ZNF19: variants seen among roughly 807,000 people sequenced by gnomAD.
ZNF19 encodes the protein zinc finger protein 19.
ZNF19 carries 11 observed loss-of-function variants against 13.1 expected under a neutral mutation model. The observed-to-expected ratio is 0.84, with a 90% CI of 0.53 to 1.39. ZNF19 has a LOEUF of 1.39. ZNF19 is among the 40% of genes most tolerant of loss of function. ZNF19 has a pLI of 0.00. For missense variants in ZNF19, 560 were observed against 547.0 expected, an observed-to-expected ratio of 1.02 and a Z score of -0.24; for synonymous variants, 186 against 187.0, an observed-to-expected ratio of 0.99 and a Z score of 0.04.
Position 71,478,228 on chromosome 16 carries a change from C to T in ZNF19, c.274G>A (p.Asp92Asn). ...PAERTKNVCK[D>N]VETNIDSEST... ...TTGGTTCTAAATCTGCCTCACCTAC[C>T]TTTACAGACGTTTTTGGTCCTCTCT... The change falls in exon 5 of 6, where the codon GAT becomes AAT. Residue 92 changes from aspartate to asparagine, a missense_variant and splice_region_variant. Asp to Asn is a conservative substitution (Grantham distance 23, BLOSUM62 1). Transcript: ENST00000288177. The T allele has an allele frequency of 3.1e-6, 5 of 1,612,266 alleles. No individual in the cohort carries two copies. The highest frequency in any genetic ancestry group is 4.2e-6 in the Non-Finnish European group (5 of 1,178,612).
At position 71,486,512 on chromosome 16, in the gene ZNF19, G is replaced by C. The variant is rs558226956; in HGVS notation, c.-189-1764C>G. On this transcript the variant is annotated intron_variant, in intron 1 of 5. Coordinates refer to ENST00000288177, the MANE Select transcript of ZNF19 (RefSeq NM_006961.4). ...CTCACTGGCTTTGAAGATGGAGGAA[G>C]GGGCCAAGGGTCAAGGAAAGTGGGT... 9.2e-5 allele frequency among the ~76,000 whole-genome samples: 14 copies of C among 152,324 alleles called. No individual in the cohort carries two copies. The East Asian group carries it at 2.7e-3, about 29-fold the overall frequency.
chr16:71,480,065 T>C (rs990377456), intron 3 of ZNF19, among the ~76,000 whole-genome samples: 1 of 152,060 alleles, frequency 6.6e-6, no homozygotes, highest in Non-Finnish European at 1.5e-5. Context: ...AGTGCTGGGA[T>C]TACGGGAATG....
rs77495348 is a variant in ZNF19 at position 71,476,142 on chromosome 16, C to CAA, written c.404_405insTT (p.Glu136TrpfsTer10). ...CTGTGGGGATGTCCTGGTGCTTTTCCACATTACGTGTTTCTGGGAAGTCAG... is the reference window on the plus strand; with the variant it reads ...CTGTGGGGATGTCCTGGTGCTTTTCCAAACATTACGTGTTTCTGGGAAGTCAG... On this transcript the variant is annotated frameshift_variant, in exon 6 of 6. Coordinates refer to ENST00000288177, the MANE Select transcript of ZNF19 (RefSeq NM_006961.4). LOFTEE classifies it low-confidence loss of function (END_TRUNC). 28 of 1,613,932 alleles carry CAA rather than the reference C, an allele frequency of 1.7e-5. No individual in the cohort carries two copies. The East Asian group carries it at 5.8e-4, about 33-fold the overall frequency.
At position 71,476,276 on chromosome 16, in the gene ZNF19, A is replaced by G. The variant is rs1376139604; in HGVS notation, c.275-4T>C. On this transcript the variant is annotated splice_polypyrimidine_tract_variant and splice_region_variant and intron_variant, in intron 5 of 5. Transcript: ENST00000288177. Reference sequence around the variant, plus strand: ...CTGTCAATGTTGGTCTCAACATCTGACATAAGAGATAGAAAACACAAATAA... The same window carrying G: ...CTGTCAATGTTGGTCTCAACATCTGGCATAAGAGATAGAAAACACAAATAA... 1.3e-6 allele frequency: 2 copies of G among 1,599,794 alleles called. No individual in the cohort carries two copies. Among genetic ancestry groups the G allele is most frequent in the African/African-American group, 2.7e-5 (2 of 74,318 alleles).
intron 3 of ZNF19, among the ~76,000 whole-genome samples, chr16:71,480,036 G>A (rs990402069): frequency 9.2e-5 from 14 of 151,996 alleles, no homozygotes; most frequent in Admixed American, 3.9e-4. Context: ...CAAGAGATCC[G>A]TCTGCCTCGG....
At chr16:71,478,809 C>G (rs199985381) in intron 4 of ZNF19, 70 bp downstream of exon 4, 61 of 1,576,296 alleles carry the variant, frequency 3.9e-5, no homozygotes, top group Middle Eastern at 1.7e-4. Flanking sequence ...CACTCCTCCC[C>G]CCAGGCTGTA....
Position 71,475,945 on chromosome 16 carries a change from T to C in ZNF19, c.602A>G (p.Asn201Ser), listed in dbSNP as rs1411536353. Residue 201 changes from asparagine (N) to serine (S), a missense_variant, in exon 6 of 6, where the codon AAT becomes AGT. By Grantham distance (46) the Asn-to-Ser change is conservative. Coordinates refer to ENST00000288177, the MANE Select transcript of ZNF19 (RefSeq NM_006961.4). ...CCTCTGGTGCCGAATTAACGAAGAA[T>C]TACCATTAAAGGCTTTTCCACACTC... ...CSECGKAFNG[N>S]SSLIRHQRIH... 1.9e-6 allele frequency: 3 copies of C among 1,613,788 alleles called. No individual in the cohort carries two copies. The African/African-American group carries it at 4.0e-5, about 22-fold the overall frequency.
intron 5 of ZNF19, among the ~76,000 whole-genome samples, chr16:71,477,468 G>C (rs1464848611): frequency 6.6e-6 from 1 of 151,934 alleles, no homozygotes; most frequent in African/African-American, 2.4e-5. Flanking sequence ...CAATTTCACT[G>C]TTTGCTCTTG....
intron 1 of ZNF19, chr16:71,487,060 A>G (rs2043683537): frequency 6.6e-6 from 1 of 152,184 alleles, no homozygotes; most frequent in Non-Finnish European, 1.5e-5. Flanking sequence ...CATTAATAAT[A>G]ATAGCTAATT....
In ZNF19 at chr16:71,475,598, T is replaced by C; in HGVS notation, c.949A>G (p.Ser317Gly). The change falls in exon 6 of 6, where the codon AGC becomes GGC. Residue 317 changes from serine (S) to glycine (G), a missense_variant. Coordinates refer to ENST00000288177, the MANE Select transcript of ZNF19 (RefSeq NM_006961.4). ...GKSFGRTSHL[S>G]QHQRIHTGEK... is the part of the protein sequence containing the mutation. ...CCTGTGTGAATACGCTGATGTTGGCTTAGATGGGAAGTCCTTCCAAAGCTT... is the reference window on the plus strand; with the variant it reads ...CCTGTGTGAATACGCTGATGTTGGCCTAGATGGGAAGTCCTTCCAAAGCTT... The C allele has an allele frequency of 2.5e-6, 4 of 1,614,014 alleles. No individual in the cohort carries two copies. The highest frequency in any genetic ancestry group is 3.4e-6 in the Non-Finnish European group (4 of 1,180,004).
chr16:71,480,845 G>T (rs1408018734), intron 3 of ZNF19, among the ~76,000 whole-genome samples: 1 of 152,208 alleles, frequency 6.6e-6, no homozygotes, highest in African/African-American at 2.4e-5. Context: ...CCATACTTCA[G>T]TGAGCCCTCC....
Position 71,478,890 on chromosome 16 carries a change from A to G in ZNF19, c.149T>C (p.Leu50Pro). The G allele has an allele frequency of 6.2e-7, 1 of 1,614,154 alleles. No individual in the cohort carries two copies. The highest frequency in any genetic ancestry group is 1.3e-5 in the African/African-American group (1 of 75,068). ...GAAAATGGCCTTACCCAAAGCAGTC[A>G]GGTTCCCAAAATTCTCCAACATCAC... ...RSVMLENFGN[L>P]TALGYPVPKP... is the part of the protein sequence containing the mutation. Residue 50 changes from leucine to proline, a missense_variant, in exon 4 of 6, where the codon CTG becomes CCG. By Grantham distance (98) the Leu-to-Pro change is moderately conservative (BLOSUM62 -3). Transcript: ENST00000288177.
chr16:71,476,473 C>A (rs373546267), intron 5 of ZNF19, among the ~76,000 whole-genome samples: 4 of 152,200 alleles, frequency 2.6e-5, no homozygotes, highest in Non-Finnish European at 5.9e-5. Context: ...TCAGTGGACA[C>A]AACACACGAG....
In ZNF19 at chr16:71,475,038, G is replaced by T; in HGVS notation, c.*132C>A. Reference sequence around the variant, plus strand: ...TGGGACTCTAATTGAACCATCTTTGGTCATCTACTGACATCTGAATCATTA... The same window carrying T: ...TGGGACTCTAATTGAACCATCTTTGTTCATCTACTGACATCTGAATCATTA... On this transcript the variant is annotated 3_prime_UTR_variant, in exon 6 of 6. Coordinates refer to ENST00000288177, the MANE Select transcript of ZNF19 (RefSeq NM_006961.4). The T allele has an allele frequency of 8.8e-7, 1 of 1,132,606 alleles. No homozygotes were observed. The highest frequency in any genetic ancestry group is 1.2e-6 in the Non-Finnish European group (1 of 815,128). 70.2% of individuals were successfully genotyped at this position (1,132,606 alleles called of 1,614,324 possible).
At chr16:71,480,578 C>A (rs1411185566) in intron 3 of ZNF19, among the ~76,000 whole-genome samples, 2 of 152,226 alleles carry the variant, frequency 1.3e-5, no homozygotes, top group Admixed American at 6.5e-5. Flanking sequence ...TCTGACTCTT[C>A]TTCACTGTGG....
At chr16:71,488,027 A>G (rs2043691423) in intron 1 of ZNF19, among the ~76,000 whole-genome samples, 1 of 152,162 alleles carries the variant, frequency 6.6e-6, no homozygotes, top group Admixed American at 6.5e-5. Context: ...TTAACATCAT[A>G]TTGGGAGTCT....
In ZNF19 at chr16:71,474,124, G is replaced by A. The variant is rs943680028; in HGVS notation, c.*1046C>T. ...GAAGGACACGTGGGAGAAAAAAAGG[G>A]TGCAGTTTGTGTTCATCACCAAAGA... is the stretch of plus-strand genomic sequence containing the variant. On this transcript the variant is annotated 3_prime_UTR_variant, in exon 6 of 6. Coordinates refer to ENST00000288177, the MANE Select transcript of ZNF19 (RefSeq NM_006961.4). The A allele has an allele frequency of 1.3e-5, 2 of 152,238 alleles. No homozygotes were observed. Among genetic ancestry groups the A allele is most frequent in the African/African-American group, 2.4e-5 (1 of 41,454 alleles). The allele number at this position is 152,238 out of a possible 1,614,324, so 9.4% of individuals were successfully genotyped here.
Position 71,475,845 on chromosome 16 carries a change from C to A in ZNF19, c.702G>T (p.Arg234Ser), listed in dbSNP as rs1285964668. The A allele has an allele frequency of 5.6e-6, 9 of 1,613,716 alleles. No homozygotes were observed. The highest frequency in any genetic ancestry group is 7.6e-6 in the Non-Finnish European group (9 of 1,179,876). The change falls in exon 6 of 6, where the codon AGG (arginine) becomes AGT (serine). Residue 234 changes from arginine (R) to serine (S), a missense_variant. Arg to Ser is a moderately radical substitution (Grantham distance 110). Transcript: ENST00000288177. ...RAFNDNANLI[R>S]HQRIHSGDRP... ...TGTCCCCACTGTGGATTCTCTGATG[C>A]CTGATCAGATTTGCATTATCATTAA... is the stretch of plus-strand genomic sequence containing the variant.
Position 71,475,168 on chromosome 16 carries a change from T to C in ZNF19, c.*2A>G, listed in dbSNP as rs750940515. 2 of 1,576,946 alleles carry C rather than the reference T, an allele frequency of 1.3e-6. No homozygotes were observed. The highest frequency in any genetic ancestry group is 1.9e-5 in the Admixed American group (1 of 53,900). On this transcript the variant is annotated 3_prime_UTR_variant, in exon 6 of 6. Coordinates refer to ENST00000288177, the MANE Select transcript of ZNF19 (RefSeq NM_006961.4). ...CTCAGTACATTTCACTGGAGTGTAC[T>C]ATTACCAGTAAAAGGGGGTAAAAAA...
Sources: allele counts gnomAD v4.1 joint callset (sites outside exome capture counted in the v4.1 genomes callset), GRCh38; gene constraint gnomAD v4.1.1; transcripts MANE v1.5; gene names NCBI Gene and HGNC (gene_info 2026-07-23, HGNC 2026-07-21).